The following PLAC1 variants were observed in gnomAD, a reference collection of about 807,000 sequenced individuals.
PLAC1 encodes the protein placenta-specific protein 1.
For synonymous variants in PLAC1, 68 were observed against 62.1 expected (o/e 1.09, Z -0.44); for missense variants, 136 against 163.2 (o/e 0.83, Z 0.91).
At chrX:134,678,095 G>T (rs2078481630) in intron 2 of PLAC1, among the ~76,000 whole-genome samples, 1 of 111,388 alleles carries the variant, frequency 9.0e-6, no homozygotes, top group Non-Finnish European at 1.9e-5. Flanking sequence ...CACTTGCCCT[G>T]CTGCTATGCC....
intron 1 of PLAC1, among the ~76,000 whole-genome samples, chrX:134,754,998 G>T (rs746732909): frequency 1.8e-5 from 2 of 111,039 alleles, no homozygotes; most frequent in Non-Finnish European, 3.8e-5. Flanking sequence ...TAAGAAAGCA[G>T]GCCATTTTAA....
At chrX:134,735,674 G>C (rs1031940119) in intron 1 of PLAC1, among the ~76,000 whole-genome samples, 6 of 109,929 alleles carry the variant, frequency 5.5e-5, no homozygotes, top group African/African-American at 2.0e-4. Flanking sequence ...GAGAGAGAGA[G>C]AGAGAAAACA....
chrX:134,732,163 G>A (rs1478297265), intron 2 of PLAC1, among the ~76,000 whole-genome samples: 2 of 111,348 alleles, frequency 1.8e-5, no homozygotes, highest in Admixed American at 9.6e-5. Flanking sequence ...CTACCTCACT[G>A]CATGCAGCCC....
At chrX:134,736,644 A>G (rs974117772) in intron 1 of PLAC1, among the ~76,000 whole-genome samples, 6 of 112,116 alleles carry the variant, frequency 5.4e-5, no homozygotes, top group African/African-American at 1.9e-4. Flanking sequence ...TTGTCCTCCC[A>G]AGATCCTTGG....
At chrX:134,577,526 T>C (rs964089423) in intron 2 of PLAC1, among the ~76,000 whole-genome samples, 28 of 111,472 alleles carry the variant, frequency 2.5e-4, no homozygotes, top group African/African-American at 8.8e-4. Context: ...CCGTCTCCAC[T>C]AAAAATGCAA....
chrX:134,703,382 C>T (rs1326418943), intron 2 of PLAC1, among the ~76,000 whole-genome samples: 2 of 111,236 alleles, frequency 1.8e-5, no homozygotes, highest in Admixed American at 1.9e-4. Flanking sequence ...ACTCAAAAAA[C>T]AATGGAATAA....
At chrX:134,662,714 G>A (rs1345820928), upstream of PLAC1, among the ~76,000 whole-genome samples, 1 of 112,141 alleles carries the variant, frequency 8.9e-6, no homozygotes, top group Non-Finnish European at 1.9e-5. Flanking sequence ...TGGATTGCTC[G>A]AGCCCAGGAG....
intron 2 of PLAC1, among the ~76,000 whole-genome samples, chrX:134,586,698 C>A (rs2078003455): frequency 1.1e-5 from 1 of 92,155 alleles, no homozygotes; most frequent in Non-Finnish European, 2.1e-5. Flanking sequence ...TGAGATGGAG[C>A]CTCACTCTGT....
chrX:134,710,784 G>A (rs1003779165), intron 2 of PLAC1, among the ~76,000 whole-genome samples: 3 of 110,759 alleles, frequency 2.7e-5, no homozygotes, highest in Non-Finnish European at 5.7e-5. Context: ...GAGATAAAGG[G>A]GGCCTCAACT....
chrX:134,610,124 T>C (rs776499010), intron 1 of PLAC1, among the ~76,000 whole-genome samples: 56 of 111,076 alleles, frequency 5.0e-4, no homozygotes, highest in Non-Finnish European at 8.1e-4. Context: ...ATTACAGGCG[T>C]GCGCCACCAC....
chrX:134,685,876 C>T (rs1313234288), intron 2 of PLAC1, among the ~76,000 whole-genome samples: 1 of 110,779 alleles, frequency 9.0e-6, no homozygotes, highest in East Asian at 2.8e-4. Flanking sequence ...CATTCATTTT[C>T]GTTTACTCAC....
intron 2 of PLAC1, among the ~76,000 whole-genome samples, chrX:134,719,491 G>A (rs968835838): frequency 2.7e-5 from 3 of 111,780 alleles, no homozygotes; most frequent in South Asian, 3.7e-4. Flanking sequence ...AAAGCACTCA[G>A]TAGGCCAGGC....
At chrX:134,756,848 C>CAA (rs796120644) in intron 1 of PLAC1, among the ~76,000 whole-genome samples, 1 of 86,469 alleles carries the variant, frequency 1.2e-5, no homozygotes, top group Non-Finnish European at 2.3e-5. Flanking sequence ...GACTCCGTCT[C>CAA]AAAAAAAAAA....
intron 2 of PLAC1, among the ~76,000 whole-genome samples, chrX:134,664,693 T>C (rs1323102273): frequency 1.8e-5 from 2 of 111,962 alleles, no homozygotes; most frequent in Non-Finnish European, 1.9e-5. Flanking sequence ...TTTGGCACTA[T>C]TAAGCTTCAG....
At chrX:134,709,769 G>A (rs1217286043) in intron 2 of PLAC1, among the ~76,000 whole-genome samples, 1 of 111,323 alleles carries the variant, frequency 9.0e-6, no homozygotes, top group Non-Finnish European at 1.9e-5. Context: ...TTAATAAATG[G>A]CATTAAAATT....
intron 2 of PLAC1, among the ~76,000 whole-genome samples, chrX:134,691,018 A>G (rs1205774446): frequency 1.7e-5 from 1 of 57,191 alleles, no homozygotes; most frequent in Admixed American, 2.5e-4. Context: ...ATATATATAT[A>G]TATGTATATA....
At chrX:134,736,571 G>A (rs2078703762) in intron 1 of PLAC1, among the ~76,000 whole-genome samples, 1 of 111,546 alleles carries the variant, frequency 9.0e-6, no homozygotes, top group Admixed American at 9.5e-5. Flanking sequence ...CAACAGGGTG[G>A]TCTCTGAACC....
intron 1 of PLAC1, among the ~76,000 whole-genome samples, chrX:134,758,298 C>T (rs1303191342): frequency 1.8e-5 from 2 of 111,252 alleles, no homozygotes; most frequent in South Asian, 7.5e-4. Flanking sequence ...TTAGAAAAAA[C>T]AATCCTAAAA....
intron 2 of PLAC1, among the ~76,000 whole-genome samples, chrX:134,673,629 G>C (rs1793423353): frequency 9.0e-6 from 1 of 111,009 alleles, no homozygotes; most frequent in Non-Finnish European, 1.9e-5. Flanking sequence ...GCCTAATAAG[G>C]CTGTTTCAGA....
Sources: allele counts gnomAD v4.1 joint callset (sites outside exome capture counted in the v4.1 genomes callset), GRCh38; gene constraint gnomAD v4.1.1; transcripts MANE v1.5; gene names NCBI Gene and HGNC (gene_info 2026-07-23, HGNC 2026-07-21).